Variants in GRID2 observed in about 807,000 individuals in gnomAD.
GRID2 encodes glutamate receptor ionotropic, delta-2.
A neutral mutation model predicts 114.8 loss-of-function variants in GRID2; 33 were observed. That is an observed-to-expected ratio of 0.29 (90% confidence interval 0.22 to 0.38). The LOEUF is 0.38. Ranked by LOEUF, GRID2 falls within the 10% of genes least tolerant of loss-of-function variation. The pLI, the probability that GRID2 is intolerant of heterozygous loss-of-function variation, is 1.00. For missense variants in GRID2, 1,184 were observed against 1,257.7 expected, an observed-to-expected ratio of 0.94 and a Z score of 0.89; for synonymous variants, 505 against 449.9, an observed-to-expected ratio of 1.12 and a Z score of -1.55.
intron 2 of GRID2, among the ~76,000 whole-genome samples, chr4:92,666,906 C>G (rs1052363325): frequency 1.3e-5 from 2 of 151,234 alleles, no homozygotes; most frequent in African/African-American, 4.8e-5. Flanking sequence ...AGAGTGGGTG[C>G]CTGCCTTTGT....
chr4:93,065,353 C>T (rs1396316622), intron 2 of GRID2, among the ~76,000 whole-genome samples: 1 of 151,870 alleles, frequency 6.6e-6, no homozygotes, highest in Admixed American at 6.6e-5. Flanking sequence ...CAGGGACATA[C>T]ACAATTTGCA....
intron 2 of GRID2, among the ~76,000 whole-genome samples, chr4:92,651,336 A>G (rs1045820675): frequency 2.4e-4 from 37 of 152,136 alleles, no homozygotes; most frequent in Admixed American, 1.6e-3. Flanking sequence ...CGTATACAAC[A>G]GTGGTCATAG....
intron 14 of GRID2, among the ~76,000 whole-genome samples, chr4:93,638,076 G>A (rs977669491): frequency 2.4e-4 from 36 of 151,962 alleles, no homozygotes; most frequent in Non-Finnish European, 7.4e-5. Flanking sequence ...AAGCTCTAAC[G>A]ATTTCTGTCT....
chr4:92,620,863 A>G (rs1471384044), intron 2 of GRID2, among the ~76,000 whole-genome samples: 1 of 151,418 alleles, frequency 6.6e-6, no homozygotes. Context: ...TAATGGGTGC[A>G]GCATACCAAC....
intron 2 of GRID2, among the ~76,000 whole-genome samples, chr4:92,682,895 C>T (rs765717150): frequency 1.3e-5 from 2 of 152,016 alleles, no homozygotes; most frequent in Non-Finnish European, 2.9e-5. Flanking sequence ...ATTGATTAGG[C>T]CACTATTAAT....
intron 13 of GRID2, among the ~76,000 whole-genome samples, chr4:93,522,013 G>T (rs1730386096): frequency 6.6e-6 from 1 of 152,138 alleles, no homozygotes; most frequent in Non-Finnish European, 1.5e-5. Context: ...ATGGGAGTAT[G>T]CAATAAAGAG....
chr4:93,792,612 AC>A (rs1734716558), intron 1 of GRID2, among the ~76,000 whole-genome samples: 1 of 151,946 alleles, frequency 6.6e-6, no homozygotes, highest in Non-Finnish European at 1.5e-5. Context: ...CACCCCTTTC[AC>A]CCCACTTTTA....
chr4:92,651,992 G>A (rs1731957212), intron 2 of GRID2, among the ~76,000 whole-genome samples: 1 of 152,070 alleles, frequency 6.6e-6, no homozygotes, highest in Non-Finnish European at 1.5e-5. Context: ...CAGGAGTGGG[G>A]ACCATGGCTG....
intron 14 of GRID2, among the ~76,000 whole-genome samples, chr4:93,682,626 T>C (rs944697978): frequency 6.6e-6 from 1 of 152,044 alleles, no homozygotes; most frequent in Non-Finnish European, 1.5e-5. Flanking sequence ...TTCATGTCCT[T>C]TGTAGGGACA....
At chr4:93,673,060 T>A (rs545407249) in intron 14 of GRID2, among the ~76,000 whole-genome samples, 127 of 152,292 alleles carry the variant, frequency 8.3e-4, no homozygotes, top group African/African-American at 3.0e-3. Context: ...TGATGAGAAA[T>A]GGGAAGAGAC....
chr4:92,458,893 A>C (rs1721341409), intron 1 of GRID2, among the ~76,000 whole-genome samples: 1 of 152,188 alleles, frequency 6.6e-6, no homozygotes, highest in Admixed American at 6.5e-5. Flanking sequence ...TCCTTAAAGA[A>C]TGTAGGTAGA....
intron 14 of GRID2, among the ~76,000 whole-genome samples, chr4:93,693,364 C>T (rs755864477): frequency 1.3e-5 from 2 of 152,044 alleles, no homozygotes; most frequent in Non-Finnish European, 2.9e-5. Flanking sequence ...TACTGGAATC[C>T]GCAAGCACAA....
intron 2 of GRID2, among the ~76,000 whole-genome samples, chr4:92,945,036 G>A (rs984835711): frequency 6.6e-6 from 1 of 152,122 alleles, no homozygotes; most frequent in Admixed American, 6.5e-5. Context: ...GTTACATTCA[G>A]TGGTGGTAAC....
At chr4:92,329,336 C>T (rs1175218889) in intron 1 of GRID2, among the ~76,000 whole-genome samples, 1 of 151,794 alleles carries the variant, frequency 6.6e-6, no homozygotes, top group African/African-American at 2.4e-5. Flanking sequence ...GGAAAGAAAA[C>T]CAAAGATGAC....
At chr4:93,126,601 TTTTTTTTTTTTTTTG>T (rs1734287545) in intron 4 of GRID2, among the ~76,000 whole-genome samples, 1 of 123,442 alleles carries the variant, frequency 8.1e-6, no homozygotes, top group Non-Finnish European at 1.7e-5. Flanking sequence ...TTTTTTTTTT[TTTTTTTTTTTTTTTG>T]AGACGGAGTC....
chr4:93,612,944 TA>T (rs987941645), intron 13 of GRID2, among the ~76,000 whole-genome samples: 5 of 147,380 alleles, frequency 3.4e-5, no homozygotes, highest in African/African-American at 1.0e-4. Flanking sequence ...CACTTTCAGG[TA>T]CACCAATCAG....
chr4:92,691,966 T>C (rs879619121), intron 2 of GRID2, among the ~76,000 whole-genome samples: 1 of 152,182 alleles, frequency 6.6e-6, no homozygotes, highest in Non-Finnish European at 1.5e-5. Flanking sequence ...TTAAAATCTT[T>C]TGTGAGATGG....
intron 2 of GRID2, among the ~76,000 whole-genome samples, chr4:92,915,658 A>T (rs886949085): frequency 6.6e-6 from 1 of 152,114 alleles, no homozygotes; most frequent in Non-Finnish European, 1.5e-5. Flanking sequence ...TTTCCATAAC[A>T]GTGGAACTAA....
intron 4 of GRID2, among the ~76,000 whole-genome samples, chr4:93,185,139 T>G (rs1740282888): frequency 6.6e-6 from 1 of 152,184 alleles, no homozygotes; most frequent in Non-Finnish European, 1.5e-5. Context: ...TCCTTTAACT[T>G]CAGTGAATTT....
Sources: gnomAD v4.1 joint callset for allele counts (sites outside exome capture counted in the v4.1 genomes callset) on GRCh38, gnomAD v4.1.1 for gene constraint, MANE v1.5 for transcripts, NCBI Gene and HGNC (gene_info 2026-07-23, HGNC 2026-07-21) for gene names.